PLEKHH2: variants seen among roughly 807,000 people sequenced by gnomAD.
PLEKHH2 encodes pleckstrin homology domain-containing family H member 2.
PLEKHH2 carries 129 observed loss-of-function variants against 187.9 expected under a neutral mutation model. That is an observed-to-expected ratio of 0.69 (90% CI 0.59 to 0.79). The LOEUF (loss-of-function observed/expected upper bound fraction) is 0.79. Ranked by LOEUF, PLEKHH2 falls within the 30% of genes least tolerant of loss-of-function variation. The probability of loss-of-function intolerance (pLI) is 0.00; values close to 1 mark genes in which losing one functional copy is unlikely to be tolerated. For missense variants in PLEKHH2, 2,076 were observed against 1,751.2 expected (o/e 1.19, Z -3.31); for synonymous variants, 686 against 605.6 (o/e 1.13, Z -1.95).
chr2:43,728,972 G>A (rs1448469872), intron 17 of PLEKHH2, among the ~76,000 whole-genome samples: 1 of 152,110 alleles, frequency 6.6e-6, no homozygotes, highest in Admixed American at 6.5e-5. Flanking sequence ...TTTTATCAGT[G>A]AGAAGTTAGT....
intron 12 of PLEKHH2, 45 bp from the exon 13 acceptor site, chr2:43,710,175 C>G: frequency 2.5e-6 from 4 of 1,611,044 alleles, no homozygotes; most frequent in Non-Finnish European, 3.4e-6. Context: ...GATTGAGCCT[C>G]CAAAAGGAAA....
chr2:43,672,203 T>A (rs951260472), intron 2 of PLEKHH2, among the ~76,000 whole-genome samples: 10 of 152,222 alleles, frequency 6.6e-5, no homozygotes, highest in African/African-American at 2.4e-4. Context: ...CATTAGCATC[T>A]GTGGGGTCTG....
chr2:43,706,356 A>G lies in PLEKHH2; in HGVS notation c.1761A>G (p.Gly587=), dbSNP rs2104505353. 2 of 1,609,988 alleles carry G rather than the reference A, an allele frequency of 1.2e-6. No homozygotes were observed. The highest frequency in any genetic ancestry group is 8.5e-7 in the Non-Finnish European group (1 of 1,176,444). ...SAATLSYTTS[G]LYTSLIYKNM... ...CAACCCTTTCCTATACTACATCAGG[A>G]CTTTATACATCTCTGATATACAAGA... is the stretch of plus-strand genomic sequence containing the variant. The change falls in exon 10 of 30, where the codon GGA becomes GGG. Residue 587 remains glycine, a synonymous_variant. Transcript: ENST00000282406.
At chr2:43,680,888 A>C in intron 3 of PLEKHH2, 1 of 576,236 alleles carries the variant, frequency 1.7e-6, no homozygotes, top group East Asian at 3.5e-5. Flanking sequence ...TTTGACAAGT[A>C]GAATTTCTGT....
chr2:43,682,933 C>T (rs1668278868), intron 3 of PLEKHH2, among the ~76,000 whole-genome samples: 1 of 129,434 alleles, frequency 7.7e-6, no homozygotes, highest in African/African-American at 3.0e-5. Flanking sequence ...AATAATGTTC[C>T]ATATATACAC....
rs1219298958 is a variant in PLEKHH2, at chr2:43,697,281, CAAG to C, written c.614_616del (p.Gln205_Val206delinsLeu). On this transcript the variant is annotated inframe_deletion, in exon 7 of 30. Coordinates refer to ENST00000282406, the MANE Select transcript of PLEKHH2 (RefSeq NM_172069.4). ...TTTATCTCGAGCAAGGAGTCCTCCT[CAAG>C]TAGTAAAATCTGAGGAAATGAGCAA... The C allele has an allele frequency of 6.2e-6, 10 of 1,613,850 alleles. No homozygotes were observed. The highest frequency in any genetic ancestry group is 8.5e-6 in the Non-Finnish European group (10 of 1,179,814).
Position 43,765,934 on chromosome 2 carries a change from G to C in PLEKHH2, c.*336G>C, listed in dbSNP as rs1010487541. ...TTTTTTTCCCCTTTTTAATATTCTG[G>C]CAATCTTTAGAAAGGGAGATTCCAA... On this transcript the variant is annotated 3_prime_UTR_variant, in exon 30 of 30. Coordinates refer to ENST00000282406, the MANE Select transcript of PLEKHH2 (RefSeq NM_172069.4). 1 of 193,874 alleles carries C rather than the reference G, an allele frequency of 5.2e-6. No homozygotes were observed. Among genetic ancestry groups the C allele is most frequent in the Non-Finnish European group, 1.0e-5 (1 of 96,186 alleles). 12.0% of individuals were successfully genotyped at this position (193,874 alleles called of 1,614,324 possible). A position where few individuals can be genotyped will look rare whatever the true frequency, so the allele number is the denominator to read the frequency against.
intron 2 of PLEKHH2, among the ~76,000 whole-genome samples, chr2:43,670,067 C>T (rs1444673543): frequency 2.6e-5 from 4 of 151,882 alleles, no homozygotes; most frequent in Non-Finnish European, 4.4e-5. Context: ...CTAGAATGAC[C>T]CACTTCAAGG....
chr2:43,754,869 CTTTTTT>C (rs3066318), intron 25 of PLEKHH2, among the ~76,000 whole-genome samples: 3 of 108,784 alleles, frequency 2.8e-5, no homozygotes, highest in African/African-American at 7.6e-5. Flanking sequence ...TTAAAATCAA[CTTTTTT>C]TTTTTTTTTT....
chr2:43,759,109 C>T (rs1237728084), intron 27 of PLEKHH2, 80 bp downstream of exon 27: 3 of 1,449,448 alleles, frequency 2.1e-6, no homozygotes, highest in Non-Finnish European at 2.7e-6. Flanking sequence ...ACTTAGTATC[C>T]TTGGCTTTTG....
chr2:43,659,157 T>A (rs1027148481), intron 2 of PLEKHH2, among the ~76,000 whole-genome samples: 10 of 150,724 alleles, frequency 6.6e-5, no homozygotes, highest in African/African-American at 9.8e-5. Context: ...ATATATATAT[T>A]TTTTTCTTTT....
At chr2:43,760,749 CTT>C (rs59259082) in intron 27 of PLEKHH2, among the ~76,000 whole-genome samples, 11,577 of 152,190 alleles carry the variant, frequency 0.076, 632 homozygotes, top group Admixed American at 0.19. Flanking sequence ...CATCTAAACA[CTT>C]TTTTATTTTC....
chr2:43,674,848 G>A (rs914225822), intron 2 of PLEKHH2, among the ~76,000 whole-genome samples: 1 of 152,158 alleles, frequency 6.6e-6, no homozygotes, highest in South Asian at 2.1e-4. Flanking sequence ...AGCTGGGCAT[G>A]GTGGTGTGTA....
chr2:43,716,475 G>A (rs1324006971), intron 15 of PLEKHH2, among the ~76,000 whole-genome samples: 1 of 152,178 alleles, frequency 6.6e-6, no homozygotes, highest in East Asian at 1.9e-4. Context: ...ATGTACCCAA[G>A]GATAAATAGA....
At chr2:43,649,071 G>C (rs1349115615) in intron 2 of PLEKHH2, among the ~76,000 whole-genome samples, 1 of 152,056 alleles carries the variant, frequency 6.6e-6, no homozygotes, top group Non-Finnish European at 1.5e-5. Context: ...TTTCATCACA[G>C]TTTCCAAGTA....
At chr2:43,667,225 C>G (rs1574500477) in intron 2 of PLEKHH2, among the ~76,000 whole-genome samples, 1 of 152,188 alleles carries the variant, frequency 6.6e-6, no homozygotes, top group Non-Finnish European at 1.5e-5. Flanking sequence ...TCTCCTCTCT[C>G]CTTTTAATTA....
intron 27 of PLEKHH2, among the ~76,000 whole-genome samples, chr2:43,760,707 A>G (rs1438584399): frequency 6.6e-6 from 1 of 152,080 alleles, no homozygotes; most frequent in African/African-American, 2.4e-5. Flanking sequence ...CATTAAGTAC[A>G]TTCTCATTGT....
intron 3 of PLEKHH2, chr2:43,681,603 G>T: frequency 2.6e-6 from 2 of 763,126 alleles, no homozygotes; most frequent in Non-Finnish European, 4.5e-6. Flanking sequence ...TCTTTTTGGA[G>T]CTGTACACGA....
At chr2:43,681,728 C>G (rs995168733) in intron 3 of PLEKHH2, 1 of 494,820 alleles carries the variant, frequency 2.0e-6, no homozygotes, top group East Asian at 3.5e-5. Context: ...CTCCCTGATG[C>G]CCCAGACACC....
Sources: gnomAD v4.1 joint callset for allele counts (sites outside exome capture counted in the v4.1 genomes callset) on GRCh38, gnomAD v4.1.1 for gene constraint, MANE v1.5 for transcripts, NCBI Gene and HGNC (gene_info 2026-07-23, HGNC 2026-07-21) for gene names.